MICAL3: variants seen among roughly 807,000 people sequenced by gnomAD.
MICAL3 encodes the protein microtubule associated monooxygenase, calponin and LIM domain containing 3, also known as [F-actin]-monooxygenase MICAL3.
A neutral mutation model predicts 207.4 loss-of-function variants in MICAL3; 62 were observed. That is an observed-to-expected ratio of 0.30 (90% CI 0.24 to 0.37). The LOEUF (loss-of-function observed/expected upper bound fraction) is 0.37, where lower values mean the gene tolerates loss of function less well. MICAL3 is among the 10% of genes least tolerant of loss of function. The pLI is 1.00. For missense variants in MICAL3, 2,368 were observed against 2,635.6 expected (o/e 0.90, Z 2.22); for synonymous variants, 1,077 against 1,069.3 (o/e 1.01, Z -0.14).
chr22:17,869,683 G>C (rs1326401553), intron 17 of MICAL3, among the ~76,000 whole-genome samples: 1 of 152,194 alleles, frequency 6.6e-6, no homozygotes, highest in Non-Finnish European at 1.5e-5. Context: ...GGAGTTGGCA[G>C]CAGGCCTGGA....
chr22:17,947,595 T>C (rs1421097829), intron 1 of MICAL3, among the ~76,000 whole-genome samples: 1 of 152,246 alleles, frequency 6.6e-6, no homozygotes, highest in African/African-American at 2.4e-5. Context: ...ATTTGCTCTG[T>C]TGTCCAGGCT....
intron 15 of MICAL3, among the ~76,000 whole-genome samples, 163 bp downstream of exon 15, chr22:17,887,007 A>G (rs1929965974): frequency 1.3e-5 from 2 of 149,668 alleles, no homozygotes; most frequent in Admixed American, 6.6e-5. Flanking sequence ...AAAAAAAAAA[A>G]AAAAAAAAAG....
rs1490953320 is a variant in MICAL3 at position 17,793,032 on chromosome 22, C to T, written c.5651-1731G>A. On this transcript the variant is annotated intron_variant, in intron 29 of 31. Coordinates refer to ENST00000441493, the MANE Select transcript of MICAL3 (RefSeq NM_015241.3). The surrounding 1 kb of genome is among the most constrained non-coding windows in gnomAD (Gnocchi z 4.1). Reference sequence around the variant, plus strand: ...GAGTCTCTCCCGCTGCCCACCTCCCCACGAAGATACAGAAAATGCCACCGG... The same window carrying T: ...GAGTCTCTCCCGCTGCCCACCTCCCTACGAAGATACAGAAAATGCCACCGG... Among the ~76,000 whole-genome samples, 1 of 152,210 alleles carries T rather than the reference C, an allele frequency of 6.6e-6. No individual in the cohort carries two copies.
At chr22:17,846,580 C>T (rs1158169058) in intron 19 of MICAL3, among the ~76,000 whole-genome samples, 1 of 152,158 alleles carries the variant, frequency 6.6e-6, no homozygotes, top group Non-Finnish European at 1.5e-5. Context: ...CAACTAATGG[C>T]AGAACCCAGG....
intron 1 of MICAL3, among the ~76,000 whole-genome samples, chr22:17,938,082 T>C (rs1328881775): frequency 6.6e-6 from 1 of 152,174 alleles, no homozygotes; most frequent in Non-Finnish European, 1.5e-5. Context: ...GTGTCAAGCA[T>C]GGTACTGGGC....
At chr22:17,984,276 G>A (rs1213121395) in intron 1 of MICAL3, among the ~76,000 whole-genome samples, 1 of 152,190 alleles carries the variant, frequency 6.6e-6, no homozygotes, top group Non-Finnish European at 1.5e-5. Context: ...CAGGGGTGCT[G>A]AGGAAGGAAA....
chr22:17,788,487 G>A lies in MICAL3; in HGVS notation c.*2245C>T, dbSNP rs567727558. 7.9e-5 allele frequency: 12 copies of A among 152,466 alleles called. No individual in the cohort carries two copies. The highest frequency in any genetic ancestry group is 2.6e-4 in the Admixed American group (4 of 15,308). The allele number at this position is 152,466 out of a possible 1,614,324, so 9.4% of individuals were successfully genotyped here. A position where few individuals can be genotyped will look rare whatever the true frequency, so the allele number is the denominator to read the frequency against. ...AGCAGGAGCTACAAGGGCCGAAGGC[G>A]GCTCTGCCGGGGCTGGACCGGTTTT... On this transcript the variant is annotated 3_prime_UTR_variant, in exon 32 of 32. Coordinates refer to ENST00000441493, the MANE Select transcript of MICAL3 (RefSeq NM_015241.3).
At chr22:17,872,842 T>C (rs1043884965) in intron 16 of MICAL3, 2 of 1,603,316 alleles carry the variant, frequency 1.2e-6, no homozygotes, top group African/African-American at 1.3e-5. Context: ...CCCGTGTACA[T>C]CTTTATATAC....
chr22:17,894,709 ATC>A (rs1930675568), intron 10 of MICAL3, among the ~76,000 whole-genome samples: 1 of 151,640 alleles, frequency 6.6e-6, no homozygotes, highest in Non-Finnish European at 1.5e-5. Flanking sequence ...AGGCAGGAGA[ATC>A]ACTTGAACCC....
At chr22:17,861,792 CAG>C (rs754118212) in intron 19 of MICAL3, 156 of 985,056 alleles carry the variant, frequency 1.6e-4, no homozygotes, top group Non-Finnish European at 1.8e-4. Context: ...ACATTACAAA[CAG>C]AAATACTGTA....
chr22:17,864,749 G>T, intron 19 of MICAL3, 150 bp downstream of exon 19: 1 of 1,613,900 alleles, frequency 6.2e-7, no homozygotes, highest in South Asian at 1.1e-5. Context: ...GCAAGCAGCT[G>T]GCACATGAAA....
chr22:17,852,797 G>A (rs1333514095), intron 19 of MICAL3, among the ~76,000 whole-genome samples: 1 of 152,142 alleles, frequency 6.6e-6, no homozygotes, highest in Non-Finnish European at 1.5e-5. Flanking sequence ...ATGAAGGCCG[G>A]GGCTTGGTGG....
intron 29 of MICAL3, among the ~76,000 whole-genome samples, chr22:17,799,949 A>G (rs2061920071): frequency 6.8e-6 from 1 of 146,712 alleles, no homozygotes; most frequent in African/African-American, 2.5e-5. Context: ...CTCACTCTAA[A>G]ACACACACAC....
At chr22:17,917,729 C>T (rs1241861507) in intron 1 of MICAL3, among the ~76,000 whole-genome samples, 1 of 152,228 alleles carries the variant, frequency 6.6e-6, no homozygotes, top group Non-Finnish European at 1.5e-5. Context: ...CTGGGCGGGG[C>T]TGCCCTGGCC....
chr22:17,993,266 T>C (rs1226024472), intron 1 of MICAL3, among the ~76,000 whole-genome samples: 1 of 152,092 alleles, frequency 6.6e-6, no homozygotes, highest in Non-Finnish European at 1.5e-5. Flanking sequence ...TTTTTTTAAT[T>C]TTACTTTAAG....
chr22:17,855,067 G>A (rs1925751889), intron 19 of MICAL3, among the ~76,000 whole-genome samples: 1 of 152,214 alleles, frequency 6.6e-6, no homozygotes, highest in Non-Finnish European at 1.5e-5. Context: ...GGTCAGGCCA[G>A]GCCGTGCCAC....
At chr22:17,854,258 C>T (rs965760030) in intron 19 of MICAL3, among the ~76,000 whole-genome samples, 5 of 151,964 alleles carry the variant, frequency 3.3e-5, no homozygotes, top group African/African-American at 9.7e-5. Context: ...GGGGAGAGGC[C>T]AGGGACACAC....
chr22:17,817,058 G>A (rs1268743359), intron 26 of MICAL3, among the ~76,000 whole-genome samples: 2 of 149,110 alleles, frequency 1.3e-5, no homozygotes, highest in Non-Finnish European at 2.9e-5. Flanking sequence ...GGCCCCTCTG[G>A]GGTCGTCTGA....
chr22:17,849,644 A>ATGTGTGTGTG (rs149239378), intron 19 of MICAL3, among the ~76,000 whole-genome samples: 5 of 79,464 alleles, frequency 6.3e-5, no homozygotes, highest in South Asian at 5.1e-4. Flanking sequence ...CCAGAATGGA[A>ATGTGTGTGTG]TGTGTGTGTG....
Sources: gnomAD v4.1 joint callset for allele counts (sites outside exome capture counted in the v4.1 genomes callset) on GRCh38, gnomAD v4.1.1 for gene constraint, Gnocchi (gnomAD v3.1) non-coding constraint, MANE v1.5 for transcripts, NCBI Gene and HGNC (gene_info 2026-07-23, HGNC 2026-07-21) for gene names.